GSK3B: variants seen among roughly 807,000 people sequenced by gnomAD.
GSK3B encodes the protein glycogen synthase kinase 3 beta.
GSK3B carries 15 observed loss-of-function variants against 56.4 expected under a neutral mutation model. That is an observed-to-expected ratio of 0.27 (90% confidence interval 0.18 to 0.41). The LOEUF is 0.41. Among genes scored for constraint, GSK3B ranks in the 10% least tolerant of loss-of-function variants. The probability of loss-of-function intolerance (pLI) is 1.00; values close to 1 mark genes in which losing one functional copy is unlikely to be tolerated. For missense variants in GSK3B, 300 were observed against 513.4 expected (o/e 0.58, Z 4.02); for synonymous variants, 181 against 188.9 (o/e 0.96, Z 0.34).
chr3:120,059,973 T>C (rs2058222638), intron 1 of GSK3B, among the ~76,000 whole-genome samples: 1 of 152,222 alleles, frequency 6.6e-6, no homozygotes, highest in African/African-American at 2.4e-5. Context: ...TATTCATTTA[T>C]TCAAAAAAAA....
rs1428580853 is a variant in GSK3B at position 119,822,153 on chromosome 3, GTAA to G, written c.*4632_*4634del. On this transcript the variant is annotated 3_prime_UTR_variant, in exon 11 of 11. Coordinates refer to ENST00000264235, the MANE Select transcript of GSK3B (RefSeq NM_001146156.2). ...AATCAGTCACAGAGGCATTCAAGTA[GTAA>G]TAATGTTATACAGATTTTGCTTTTC... is the stretch of plus-strand genomic sequence containing the variant. 40 of 193,094 alleles carry G rather than the reference GTAA, an allele frequency of 2.1e-4. No individual in the cohort carries two copies. Among genetic ancestry groups the G allele is most frequent in the African/African-American group, 7.4e-4 (32 of 43,162 alleles). The allele number at this position is 193,094 out of a possible 1,614,324, so 12.0% of individuals were successfully genotyped here. A position where few individuals can be genotyped will look rare whatever the true frequency, so the allele number is the denominator to read the frequency against.
intron 5 of GSK3B, 40 bp downstream of exon 5, chr3:119,916,004 G>A (rs1438663735): frequency 6.9e-7 from 1 of 1,441,754 alleles, no homozygotes; most frequent in African/African-American, 1.4e-5. Flanking sequence ...AGGGGGAGGA[G>A]GGGAAAAGGG....
In GSK3B at chr3:119,821,430, G is replaced by T. The variant is rs892466454; in HGVS notation, c.*5358C>A. ...CCCTAAAAAAATGATGTTTCTTTTT[G>T]CACTAAGAGACATAACATGTTTACA... is the stretch of plus-strand genomic sequence containing the variant. On this transcript the variant is annotated 3_prime_UTR_variant, in exon 11 of 11. Coordinates refer to ENST00000264235, the MANE Select transcript of GSK3B (RefSeq NM_001146156.2). 6.6e-6 allele frequency: 1 copy of T among 152,158 alleles called. No homozygotes were observed. Among genetic ancestry groups the T allele is most frequent in the African/African-American group, 2.4e-5 (1 of 41,436 alleles). The allele number at this position is 152,158 out of a possible 1,614,324, so 9.4% of individuals were successfully genotyped here.
At chr3:119,840,381 C>T (rs1264824411) in intron 10 of GSK3B, among the ~76,000 whole-genome samples, 2 of 152,038 alleles carry the variant, frequency 1.3e-5, no homozygotes, top group Non-Finnish European at 1.5e-5. Context: ...TGCATCACCA[C>T]GTCCGGCTAA....
At chr3:120,018,691 C>T (rs2057847698) in intron 1 of GSK3B, among the ~76,000 whole-genome samples, 1 of 152,174 alleles carries the variant, frequency 6.6e-6, no homozygotes, top group African/African-American at 2.4e-5. Context: ...TATAACCACA[C>T]ATTTTGAGTA....
At chr3:119,881,572 C>T (rs977330190) in intron 7 of GSK3B, among the ~76,000 whole-genome samples, 4 of 152,208 alleles carry the variant, frequency 2.6e-5, no homozygotes, top group Non-Finnish European at 2.9e-5. Context: ...ATATTCAGTA[C>T]TTTGCTAACA....
chr3:120,029,569 T>A, intron 1 of GSK3B: 1 of 593,990 alleles, frequency 1.7e-6, no homozygotes, highest in Non-Finnish European at 3.2e-6. Context: ...GGCACCATCA[T>A]GATGGTCTTT....
chr3:120,022,981 A>G (rs2057892459), intron 1 of GSK3B, among the ~76,000 whole-genome samples: 2 of 152,326 alleles, frequency 1.3e-5, no homozygotes, highest in East Asian at 1.9e-4. Flanking sequence ...TAAGGACATT[A>G]AAGTAGGAAA....
chr3:120,058,195 A>G (rs1030953655), intron 1 of GSK3B, among the ~76,000 whole-genome samples: 5 of 152,178 alleles, frequency 3.3e-5, no homozygotes, highest in African/African-American at 1.2e-4. Flanking sequence ...AAAGAAAAAA[A>G]CTATAATAAC....
At chr3:119,870,985 T>C (rs1302406777) in intron 8 of GSK3B, among the ~76,000 whole-genome samples, 1 of 152,184 alleles carries the variant, frequency 6.6e-6, no homozygotes, top group Non-Finnish European at 1.5e-5. Context: ...AATTTTTGTT[T>C]TGTGCCCTCT....
intron 10 of GSK3B, among the ~76,000 whole-genome samples, chr3:119,830,626 T>G (rs2055584014): frequency 6.6e-6 from 1 of 152,212 alleles, no homozygotes; most frequent in Non-Finnish European, 1.5e-5. Flanking sequence ...TTATAAATGA[T>G]CTGACTATGG....
At chr3:120,057,442 G>A (rs984892068) in intron 1 of GSK3B, among the ~76,000 whole-genome samples, 6 of 152,054 alleles carry the variant, frequency 3.9e-5, no homozygotes, top group East Asian at 1.9e-4. Flanking sequence ...GTTCTGCTAC[G>A]AAAATATTCA....
chr3:120,028,134 G>A (rs2057943333), intron 1 of GSK3B, among the ~76,000 whole-genome samples: 1 of 152,298 alleles, frequency 6.6e-6, no homozygotes, highest in East Asian at 1.9e-4. Flanking sequence ...AGAAAAGAGT[G>A]ACAAGAAAAT....
intron 7 of GSK3B, among the ~76,000 whole-genome samples, chr3:119,884,608 A>C (rs1316472179): frequency 6.6e-6 from 1 of 152,110 alleles, no homozygotes; most frequent in Admixed American, 6.6e-5. Context: ...GACTCCCTAA[A>C]ATGGTCTATC....
intron 10 of GSK3B, among the ~76,000 whole-genome samples, chr3:119,834,295 TACTC>T (rs1435314454): frequency 5.9e-5 from 9 of 152,204 alleles, no homozygotes; most frequent in Non-Finnish European, 1.0e-4. Context: ...ACAAGATAAT[TACTC>T]ACAGAGAATC....
chr3:119,866,365 T>C (rs2056182779), intron 8 of GSK3B, among the ~76,000 whole-genome samples: 1 of 152,194 alleles, frequency 6.6e-6, no homozygotes, highest in South Asian at 2.1e-4. Flanking sequence ...CCACAATTCC[T>C]AAACTTCAGC....
intron 9 of GSK3B, among the ~76,000 whole-genome samples, chr3:119,846,681 A>G (rs1375023425): frequency 6.6e-6 from 1 of 152,194 alleles, no homozygotes; most frequent in South Asian, 2.1e-4. Context: ...ATGCTTTTAC[A>G]CTGTTGGTGG....
chr3:119,879,331 C>A (rs1187217068), intron 7 of GSK3B, among the ~76,000 whole-genome samples: 1 of 152,130 alleles, frequency 6.6e-6, no homozygotes, highest in Non-Finnish European at 1.5e-5. Flanking sequence ...CAGGTGCCCA[C>A]CACCACGCCT....
At chr3:119,866,629 C>T in intron 8 of GSK3B, 1 of 1,599,048 alleles carries the variant, frequency 6.3e-7, no homozygotes, top group Non-Finnish European at 8.6e-7. Context: ...CTGACGAATC[C>T]TAAAGATGAT....
Sources: allele counts gnomAD v4.1 joint callset (sites outside exome capture counted in the v4.1 genomes callset), GRCh38; gene constraint gnomAD v4.1.1; transcripts MANE v1.5; gene names NCBI Gene and HGNC (gene_info 2026-07-23, HGNC 2026-07-21).